Variants in MALRD1 observed in about 807,000 individuals in gnomAD.
MALRD1 encodes MAM and LDL receptor class A domain containing 1, also known as MAM and LDL-receptor class A domain-containing protein 1.
Under a neutral mutation model 242.1 loss-of-function variants are expected in MALRD1, and 247 were observed. The observed-to-expected ratio is 1.02, with a 90% confidence interval of 0.92 to 1.13. The LOEUF (loss-of-function observed/expected upper bound fraction) is 1.13, where lower values mean the gene tolerates loss of function less well. Among genes scored for constraint, MALRD1 ranks in the 50% most tolerant of loss-of-function variants. The probability of loss-of-function intolerance (pLI) is 0.00; values close to 1 mark genes in which losing one functional copy is unlikely to be tolerated. For synonymous variants in MALRD1, 995 were observed against 866.6 expected (o/e 1.15, Z -2.60); for missense variants, 2,989 against 2,533.1 (o/e 1.18, Z -3.86).
chr10:19,402,703 A>G (rs1218229636), intron 28 of MALRD1, among the ~76,000 whole-genome samples: 1 of 152,154 alleles, frequency 6.6e-6, no homozygotes, highest in African/African-American at 2.4e-5. Flanking sequence ...GGGTAACCAC[A>G]TATTATTAAT....
At chr10:19,622,432 A>G (rs540950069) in intron 36 of MALRD1, among the ~76,000 whole-genome samples, 13 of 151,882 alleles carry the variant, frequency 8.6e-5, no homozygotes, top group African/African-American at 2.6e-4. Context: ...GCAAATCTGT[A>G]TAATAAAAAC....
intron 14 of MALRD1, among the ~76,000 whole-genome samples, chr10:19,185,642 G>A (rs1024879210): frequency 3.9e-5 from 6 of 152,218 alleles, no homozygotes; most frequent in Admixed American, 3.9e-4. Flanking sequence ...TAGAGACAAA[G>A]TCATTTTATG....
intron 18 of MALRD1, among the ~76,000 whole-genome samples, chr10:19,213,255 C>T (rs1837154604): frequency 6.6e-6 from 1 of 152,132 alleles, no homozygotes. Context: ...TTACTGTCTA[C>T]TATTGCTCTG....
chr10:19,681,584 C>T (rs1432544428), intron 36 of MALRD1, among the ~76,000 whole-genome samples: 1 of 152,064 alleles, frequency 6.6e-6, no homozygotes, highest in African/African-American at 2.4e-5. Flanking sequence ...TTCTTAGCTT[C>T]TTTGCATTGG....
chr10:19,548,313 G>A (rs1302911245), intron 32 of MALRD1, among the ~76,000 whole-genome samples: 2 of 151,910 alleles, frequency 1.3e-5, no homozygotes, highest in African/African-American at 2.4e-5. Context: ...TGAGTCATTC[G>A]ATGGGTTGAT....
intron 38 of MALRD1, among the ~76,000 whole-genome samples, chr10:19,730,242 C>T (rs1384397342): frequency 1.3e-5 from 2 of 152,206 alleles, no homozygotes; most frequent in Non-Finnish European, 2.9e-5. Flanking sequence ...GACTATGACT[C>T]ATGTGCTACA....
chr10:19,537,404 A>G (rs1034997993), intron 32 of MALRD1, among the ~76,000 whole-genome samples: 2 of 149,308 alleles, frequency 1.3e-5, no homozygotes, highest in Non-Finnish European at 2.9e-5. Flanking sequence ...GGAGGCTGCG[A>G]AGTCCAAGAT....
intron 28 of MALRD1, among the ~76,000 whole-genome samples, chr10:19,403,621 T>C (rs1846962131): frequency 6.6e-6 from 1 of 152,126 alleles, no homozygotes; most frequent in Admixed American, 6.6e-5. Flanking sequence ...AATATTTTTA[T>C]GTGAATTCAT....
At chr10:19,564,857 C>T (rs999588187) in intron 32 of MALRD1, among the ~76,000 whole-genome samples, 3 of 152,052 alleles carry the variant, frequency 2.0e-5, no homozygotes, top group Middle Eastern at 3.2e-3. Flanking sequence ...AATATCATTT[C>T]TATTGAAGGA....
chr10:19,535,005 C>G (rs1007919410), intron 32 of MALRD1, among the ~76,000 whole-genome samples: 4 of 152,130 alleles, frequency 2.6e-5, no homozygotes, highest in Admixed American at 2.6e-4. Context: ...CCTGCCTCAG[C>G]TTCCGGAGTA....
chr10:19,638,402 A>G (rs1467087381), intron 36 of MALRD1, among the ~76,000 whole-genome samples: 1 of 152,172 alleles, frequency 6.6e-6, no homozygotes, highest in Non-Finnish European at 1.5e-5. Context: ...TTAGTCATCT[A>G]AAAGTAAAGT....
chr10:19,430,752 A>G (rs1834096753), intron 28 of MALRD1, among the ~76,000 whole-genome samples: 2 of 152,200 alleles, frequency 1.3e-5, no homozygotes, highest in African/African-American at 2.4e-5. Context: ...GTATCTGTGC[A>G]GGTTTCATTA....
At chr10:19,539,908 G>T (rs1425260325) in intron 32 of MALRD1, among the ~76,000 whole-genome samples, 4 of 24,204 alleles carry the variant, frequency 1.7e-4, no homozygotes, top group Admixed American at 4.2e-4. Context: ...GCGCGCGCGC[G>T]TGCGCGCACA....
intron 4 of MALRD1, among the ~76,000 whole-genome samples, chr10:19,102,075 T>C (rs971571689): frequency 7.1e-5 from 9 of 126,244 alleles, no homozygotes; most frequent in South Asian, 2.4e-4. Flanking sequence ...TTATAACATA[T>C]ATATGGTATA....
At chr10:19,723,546 G>A (rs566138173) in intron 38 of MALRD1, among the ~76,000 whole-genome samples, 22 of 152,126 alleles carry the variant, frequency 1.4e-4, no homozygotes, top group Admixed American at 1.4e-3. Flanking sequence ...TTCAAGACCA[G>A]ACTGGACAAT....
intron 21 of MALRD1, among the ~76,000 whole-genome samples, chr10:19,313,450 G>T (rs7080396): frequency 0.77 from 117,004 of 151,188 alleles, 45,765 homozygotes; most frequent in African/African-American, 0.87. Context: ...TTACAAAGAT[G>T]ATATTTACTT....
intron 26 of MALRD1, among the ~76,000 whole-genome samples, chr10:19,367,926 T>A (rs1845176480): frequency 6.6e-6 from 1 of 152,082 alleles, no homozygotes; most frequent in Non-Finnish European, 1.5e-5. Flanking sequence ...TTTGTTCAGA[T>A]CATTTGCCTA....
chr10:19,316,547 C>G (rs1263912242), intron 21 of MALRD1, among the ~76,000 whole-genome samples: 1 of 151,886 alleles, frequency 6.6e-6, no homozygotes, highest in African/African-American at 2.4e-5. Flanking sequence ...TTACGAAGCC[C>G]ACTTACTCCA....
intron 21 of MALRD1, among the ~76,000 whole-genome samples, chr10:19,311,428 TTTAAA>T (rs1842418242): frequency 1.3e-5 from 2 of 151,462 alleles, no homozygotes; most frequent in African/African-American, 4.8e-5. Context: ...TTTATTCCCT[TTTAAA>T]TTAAATACAA....
Sources: allele counts gnomAD v4.1 joint callset (sites outside exome capture counted in the v4.1 genomes callset), GRCh38; gene constraint gnomAD v4.1.1; transcripts MANE v1.5; gene names NCBI Gene and HGNC (gene_info 2026-07-23, HGNC 2026-07-21).